NFASC: variants seen among roughly 807,000 people sequenced by gnomAD.
NFASC encodes the protein neurofascin homolog.
A neutral mutation model predicts 147.5 loss-of-function variants in NFASC; 43 were observed. The observed-to-expected ratio is 0.29, with a 90% CI of 0.23 to 0.38. The LOEUF is 0.38. Ranked by LOEUF, NFASC falls within the 10% of genes least tolerant of loss-of-function variation. The pLI, the probability that NFASC is intolerant of heterozygous loss-of-function variation, is 1.00. For synonymous variants in NFASC, 622 were observed against 665.5 expected (o/e 0.93, Z 1.01); for missense variants, 1,320 against 1,689.0 (o/e 0.78, Z 3.83).
intron 1 of NFASC, among the ~76,000 whole-genome samples, chr1:204,857,359 C>T (rs1344626100): frequency 2.6e-5 from 4 of 152,236 alleles, no homozygotes; most frequent in Admixed American, 6.5e-5. Context: ...CCAACCTTGT[C>T]TTCTCTTAGG....
At chr1:204,994,036 C>T (rs558675009) in intron 24 of NFASC, among the ~76,000 whole-genome samples, 56 of 152,302 alleles carry the variant, frequency 3.7e-4, no homozygotes, top group African/African-American at 1.3e-3. Flanking sequence ...CTCTGGAGGC[C>T]CTGTCTTGCC....
Position 204,954,869 on chromosome 1 carries a change from G to T in NFASC, c.453G>T (p.Val151=), listed in dbSNP as rs774938411. The T allele has an allele frequency of 1.2e-6, 2 of 1,614,118 alleles. No individual in the cohort carries two copies. Among genetic ancestry groups the T allele is most frequent in the Non-Finnish European group, 8.5e-7 (1 of 1,179,994 alleles). The part of the protein sequence containing the change: ...LWPKENLDPV[V]VQEGAPLTLQ... Reference sequence around the variant, plus strand: ...CCAAGGAAAACCTAGACCCTGTCGTGGTCCAAGAGGGCGCTCCTTTGACGC... The same window carrying T: ...CCAAGGAAAACCTAGACCCTGTCGTTGTCCAAGAGGGCGCTCCTTTGACGC... Residue 151 remains valine, a synonymous_variant, in exon 7 of 30, where the codon GTG becomes GTT. Transcript: ENST00000339876. The surrounding 1 kb of genome is among the most constrained non-coding windows in gnomAD (Gnocchi z 5.7).
Position 205,016,545 on chromosome 1 carries a change from C to T in NFASC, c.*6C>T. 1.2e-6 allele frequency: 2 copies of T among 1,603,756 alleles called. No individual in the cohort carries two copies. Among genetic ancestry groups the T allele is most frequent in the Non-Finnish European group, 1.7e-6 (2 of 1,170,658 alleles). On this transcript the variant is annotated 3_prime_UTR_variant, in exon 30 of 30. Coordinates refer to ENST00000339876, the MANE Select transcript of NFASC (RefSeq NM_001005388.3). This position sits in a 1 kb window ranked among gnomAD's most constrained non-coding sequence, Gnocchi z 5.1. Reference sequence around the variant, plus strand: ...CTATCTACTCTCTGGCCTAACGGAGCCCACCCAGGCACAGCCACCACTTTG... The same window carrying T: ...CTATCTACTCTCTGGCCTAACGGAGTCCACCCAGGCACAGCCACCACTTTG...
At chr1:205,003,250 G>A (rs1372555237) in intron 27 of NFASC, among the ~76,000 whole-genome samples, 1 of 152,202 alleles carries the variant, frequency 6.6e-6, no homozygotes, top group Non-Finnish European at 1.5e-5. Flanking sequence ...ATTTCAAAGT[G>A]AGTGACACAA....
intron 2 of NFASC, among the ~76,000 whole-genome samples, chr1:204,933,119 A>G (rs1345071686): frequency 6.6e-6 from 1 of 152,202 alleles, no homozygotes; most frequent in Admixed American, 6.5e-5. Flanking sequence ...GTCTGATCTT[A>G]TAGATTAATG....
intron 1 of NFASC, among the ~76,000 whole-genome samples, chr1:204,865,099 T>G (rs1352236621): frequency 6.6e-6 from 1 of 152,210 alleles, no homozygotes; most frequent in African/African-American, 2.4e-5. Context: ...CATTTTTGAC[T>G]CAGTTTTTAT....
chr1:204,830,835 C>G (rs1206637795), intron 1 of NFASC, among the ~76,000 whole-genome samples: 1 of 152,230 alleles, frequency 6.6e-6, no homozygotes, highest in African/African-American at 2.4e-5. Context: ...CAGACAGACT[C>G]TGTCCCTTCT....
At position 205,016,793 on chromosome 1, in the gene NFASC, G is replaced by A. The variant is rs541656942; in HGVS notation, c.*254G>A. ...GGCTGAGCTCAGCTGGAGGGAGCCTGGCCCCTTGCCCGGTCTCGCAGCCAC... is the reference window on the plus strand; with the variant it reads ...GGCTGAGCTCAGCTGGAGGGAGCCTAGCCCCTTGCCCGGTCTCGCAGCCAC... On this transcript the variant is annotated 3_prime_UTR_variant, in exon 30 of 30. Coordinates refer to ENST00000339876, the MANE Select transcript of NFASC (RefSeq NM_001005388.3). This position sits in a 1 kb window ranked among gnomAD's most constrained non-coding sequence, Gnocchi z 5.1. 1.8e-6 allele frequency: 1 copy of A among 564,834 alleles called. No individual in the cohort carries two copies. The highest frequency in any genetic ancestry group is 3.3e-5 in the East Asian group (1 of 30,490). 35.0% of individuals were successfully genotyped at this position (564,834 alleles called of 1,614,324 possible). A position where few individuals can be genotyped will look rare whatever the true frequency, so the allele number is the denominator to read the frequency against.
In NFASC at chr1:204,862,627, C is replaced by A. The variant is rs548642944; in HGVS notation, c.-200+33845C>A. ...GGATGGTTAACACAAAATAGTATTA[C>A]CCAGCTGCTAGAGAGGAGAAGGGTC... is the stretch of plus-strand genomic sequence containing the variant. On this transcript the variant is annotated intron_variant, in intron 1 of 29. Transcript: ENST00000339876. Among the ~76,000 whole-genome samples the A allele has an allele frequency of 1.2e-3, 179 of 152,238 alleles. 2 individuals carry two copies. Among genetic ancestry groups the A allele is most frequent in the African/African-American group, 4.0e-3 (165 of 41,536 alleles).
intron 21 of NFASC, chr1:204,985,975 C>A: frequency 6.2e-7 from 1 of 1,614,068 alleles, no homozygotes; most frequent in Non-Finnish European, 8.5e-7. Flanking sequence ...GACAGCAAGC[C>A]AGCTTCCCTG....
intron 1 of NFASC, among the ~76,000 whole-genome samples, chr1:204,899,161 A>G (rs2084000025): frequency 6.6e-6 from 1 of 152,234 alleles, no homozygotes; most frequent in South Asian, 2.1e-4. Context: ...GCTATTAAAA[A>G]AAGTCACAGC....
At chr1:204,942,430 A>G (rs896716259) in intron 2 of NFASC, among the ~76,000 whole-genome samples, 16 of 152,320 alleles carry the variant, frequency 1.1e-4, no homozygotes, top group African/African-American at 3.8e-4. Context: ...GGGATGCATT[A>G]TGCAGGGCCT....
chr1:204,962,549 T>C (rs1420683406), intron 8 of NFASC, among the ~76,000 whole-genome samples: 2 of 152,352 alleles, frequency 1.3e-5, no homozygotes, highest in Admixed American at 6.5e-5. Flanking sequence ...CTGGTTCCTA[T>C]TGGTAGTTGA....
chr1:204,904,759 G>A (rs1180158675), intron 1 of NFASC, among the ~76,000 whole-genome samples: 2 of 152,038 alleles, frequency 1.3e-5, no homozygotes, highest in African/African-American at 4.8e-5. Flanking sequence ...TAGAGCTCAG[G>A]TGCACAGCAC....
chr1:204,833,839 A>G (rs971834018), intron 1 of NFASC, among the ~76,000 whole-genome samples: 17 of 152,168 alleles, frequency 1.1e-4, no homozygotes, highest in Non-Finnish European at 1.8e-4. Context: ...CCCTGCTTCT[A>G]CTACTTGCTA....
At chr1:204,899,994 G>T (rs985938234) in intron 1 of NFASC, among the ~76,000 whole-genome samples, 3 of 152,208 alleles carry the variant, frequency 2.0e-5, no homozygotes, top group Non-Finnish European at 4.4e-5. Flanking sequence ...TGGTTAGGAT[G>T]ATCCATTATA....
chr1:204,905,563 C>T (rs1242519713), intron 1 of NFASC, among the ~76,000 whole-genome samples: 1 of 152,012 alleles, frequency 6.6e-6, no homozygotes, highest in African/African-American at 2.4e-5. Context: ...AGTAATTATT[C>T]TCTTGAATCC....
rs1365707522 is a variant in NFASC at position 205,015,586 on chromosome 1, G to A, written c.3492-722G>A. Among the ~76,000 whole-genome samples, 1 of 152,120 alleles carries A rather than the reference G, an allele frequency of 6.6e-6. No homozygotes were observed. Among genetic ancestry groups the A allele is most frequent in the East Asian group, 1.9e-4 (1 of 5,184 alleles). On this transcript the variant is annotated intron_variant, in intron 29 of 29. Coordinates refer to ENST00000339876, the MANE Select transcript of NFASC (RefSeq NM_001005388.3). The surrounding 1 kb of genome is among the most constrained non-coding windows in gnomAD (Gnocchi z 4.0). Reference sequence around the variant, plus strand: ...AGGGGAGCTTAGGGTCAGGGCCTATGGGCCTCAGAAGGGGCTGGGCATGAT... The same window carrying A: ...AGGGGAGCTTAGGGTCAGGGCCTATAGGCCTCAGAAGGGGCTGGGCATGAT...
chr1:204,848,922 A>G lies in NFASC; in HGVS notation c.-200+20140A>G, dbSNP rs113304474. 3.4e-3 allele frequency among the ~76,000 whole-genome samples: 514 copies of G among 152,368 alleles called. 4 individuals are homozygous for G. The highest frequency in any genetic ancestry group is 0.012 in the African/African-American group (483 of 41,592). ...CTGCGATAATACCACAGAGGCCATT[A>G]TTTATTGAACAGCCTGCTTTGTTCA... On this transcript the variant is annotated intron_variant, in intron 1 of 29. Transcript: ENST00000339876.
Sources: allele counts gnomAD v4.1 joint callset (sites outside exome capture counted in the v4.1 genomes callset), GRCh38; gene constraint gnomAD v4.1.1; non-coding constraint Gnocchi (gnomAD v3.1); transcripts MANE v1.5; gene names NCBI Gene and HGNC (gene_info 2026-07-23, HGNC 2026-07-21).